The following PACC1 variants were observed in gnomAD, a reference collection of about 807,000 sequenced individuals.
The protein encoded by PACC1 is proton activated chloride channel 1, also known as proton-activated chloride channel.
A neutral mutation model predicts 39.7 loss-of-function variants in PACC1; 34 were observed. The observed-to-expected ratio is 0.86, with a 90% CI of 0.65 to 1.14. The LOEUF is 1.14. PACC1 is among the 50% of genes most tolerant of loss of function. PACC1 has a pLI of 0.00. For synonymous variants in PACC1, 127 were observed against 160.6 expected (o/e 0.79, Z 1.58); for missense variants, 379 against 436.4 (o/e 0.87, Z 1.17).
rs183795487 is a variant in PACC1 at position 212,400,204 on chromosome 1, G to A, written c.133+10221C>T. Among the ~76,000 whole-genome samples, 253 of 152,184 alleles carry A rather than the reference G, an allele frequency of 1.7e-3. 1 individual carries two copies. The highest frequency in any genetic ancestry group is 2.7e-3 in the Non-Finnish European group (185 of 68,008). ...CCAGGCTGAACAATATAATAAAGACGAACGATGACTGGCATCTGTGGACAG... is the reference window on the plus strand; with the variant it reads ...CCAGGCTGAACAATATAATAAAGACAAACGATGACTGGCATCTGTGGACAG... On this transcript the variant is annotated intron_variant, in intron 2 of 7. Coordinates refer to ENST00000261455, the MANE Select transcript of PACC1 (RefSeq NM_018252.3).
intron 2 of PACC1, among the ~76,000 whole-genome samples, chr1:212,399,039 CAA>C (rs1372099527): frequency 3.3e-5 from 5 of 152,334 alleles, no homozygotes; most frequent in African/African-American, 1.2e-4. Flanking sequence ...TCCCATGGTC[CAA>C]ATGGGACCAT....
At chr1:212,371,241 CAA>C (rs1189603478) in intron 7 of PACC1, among the ~76,000 whole-genome samples, 12 of 88,794 alleles carry the variant, frequency 1.4e-4, no homozygotes, top group Non-Finnish European at 1.5e-4. Flanking sequence ...GACTCCATTT[CAA>C]AAAAAAAAAA....
chr1:212,384,297 C>CAA (rs34538954), intron 4 of PACC1, among the ~76,000 whole-genome samples: 2 of 149,452 alleles, frequency 1.3e-5, no homozygotes, highest in Non-Finnish European at 3.0e-5. Flanking sequence ...CACATACTAA[C>CAA]AAAAAAAAAA....
At position 212,365,336 on chromosome 1, in the gene PACC1, C is replaced by G. The variant is rs761457991; in HGVS notation, c.932G>C (p.Cys311Ser). The change falls in exon 8 of 8, where the codon TGT (cysteine) becomes TCT (serine). Residue 311 changes from cysteine (C) to serine (S), a missense_variant. Coordinates refer to ENST00000261455, the MANE Select transcript of PACC1 (RefSeq NM_018252.3). ...TTTAAATAATGCCAAGAAGGCGCCA[C>G]AGAGAAGAGCAATTGTGTTCCAAGG... is the stretch of plus-strand genomic sequence containing the variant. ...ANPWNTIALL[C>S]GAFLALFKAA... The G allele has an allele frequency of 1.9e-6, 3 of 1,612,900 alleles. No individual in the cohort carries two copies. Among genetic ancestry groups the G allele is most frequent in the Admixed American group, 1.7e-5 (1 of 59,908 alleles).
intron 4 of PACC1, among the ~76,000 whole-genome samples, chr1:212,380,517 T>C (rs1230589038): frequency 6.6e-6 from 1 of 152,172 alleles, no homozygotes; most frequent in Non-Finnish European, 1.5e-5. Context: ...ATAGCACTTT[T>C]TAATCTTTTT....
intron 2 of PACC1, among the ~76,000 whole-genome samples, chr1:212,393,115 C>T (rs1344945857): frequency 2.0e-5 from 3 of 152,220 alleles, no homozygotes; most frequent in Non-Finnish European, 4.4e-5. Context: ...CTCTCCACCC[C>T]AAATCAACAG....
rs1158648730 is a variant in PACC1, at chr1:212,386,357, G to A, written c.343+534C>T. Among the ~76,000 whole-genome samples, 1 of 152,100 alleles carries A rather than the reference G, an allele frequency of 6.6e-6. No homozygotes were observed. Among genetic ancestry groups the A allele is most frequent in the East Asian group, 1.9e-4 (1 of 5,186 alleles). On this transcript the variant is annotated intron_variant, in intron 3 of 7. Coordinates refer to ENST00000261455, the MANE Select transcript of PACC1 (RefSeq NM_018252.3). This position sits in a 1 kb window ranked among gnomAD's most constrained non-coding sequence, Gnocchi z 5.0. ...ATAGCAGAGTGGACTCCCCACTCAG[G>A]GACCAGACACCCCAGTGAGACAGGT...
chr1:212,414,009 G>A lies in PACC1; in HGVS notation c.36+713C>T, dbSNP rs188843296. ...GCCGAGAAGTGGAGGCGGAGGAGGAGAGCAGTTTCACTAATACAGCTGGAG... is the reference window on the plus strand; with the variant it reads ...GCCGAGAAGTGGAGGCGGAGGAGGAAAGCAGTTTCACTAATACAGCTGGAG... On this transcript the variant is annotated intron_variant, in intron 1 of 7. Transcript: ENST00000261455. 26 of 1,535,868 alleles carry A rather than the reference G, an allele frequency of 1.7e-5. No homozygotes were observed. The Admixed American group carries it at 2.4e-4, about 14-fold the overall frequency.
At chr1:212,372,309 C>CA (rs531790538) in intron 7 of PACC1, among the ~76,000 whole-genome samples, 242 of 140,486 alleles carry the variant, frequency 1.7e-3, no homozygotes, top group South Asian at 7.4e-3. Flanking sequence ...AAACAAAAAA[C>CA]AAAAAAAAAA....
At chr1:212,381,318 C>A (rs1257853973) in intron 4 of PACC1, among the ~76,000 whole-genome samples, 2 of 152,200 alleles carry the variant, frequency 1.3e-5, no homozygotes, top group Non-Finnish European at 2.9e-5. Flanking sequence ...CAAACTTTTG[C>A]ACGTGGAATT....
rs148292868 is a variant in PACC1, at chr1:212,399,826, G to A, written c.133+10599C>T. Among the ~76,000 whole-genome samples, 986 of 152,180 alleles carry A rather than the reference G, an allele frequency of 6.5e-3. 15 individuals carry two copies. The highest frequency in any genetic ancestry group is 0.023 in the African/African-American group (938 of 41,528). On this transcript the variant is annotated intron_variant, in intron 2 of 7. Transcript: ENST00000261455. ...CCTAAAATGCTGGGATTACAGGCGT[G>A]AGCCACTGTACCTGACCTGGAAAAC...
At position 212,386,893 on chromosome 1, in the gene PACC1, G is replaced by A; in HGVS notation, c.341C>T (p.Pro114Leu). Residue 114 changes from proline (P) to leucine (L), a missense_variant and splice_region_variant, in exon 3 of 8, where the codon CCA becomes CTA. By Grantham distance (98) the Pro-to-Leu change is moderately conservative. Coordinates refer to ENST00000261455, the MANE Select transcript of PACC1 (RefSeq NM_018252.3). This position sits in a 1 kb window ranked among gnomAD's most constrained non-coding sequence, Gnocchi z 5.0. ...CCTGGCCCAGGGGCAGGCTCTACCT[G>A]GGGCATCATAGCGATCCACTTCCTT... is the stretch of plus-strand genomic sequence containing the variant. ...SYKEVDRYDA[P>L]GIALYPGQAQ... 1 of 1,614,096 alleles carries A rather than the reference G, an allele frequency of 6.2e-7. No homozygotes were observed. Among genetic ancestry groups the A allele is most frequent in the Non-Finnish European group, 8.5e-7 (1 of 1,179,990 alleles).
rs1448711111 is a variant in PACC1 at position 212,410,445 on chromosome 1, T to C, written c.113A>G (p.Gln38Arg). 6.2e-7 allele frequency: 1 copy of C among 1,614,150 alleles called. No homozygotes were observed. Residue 38 changes from glutamine (Q) to arginine (R), a missense_variant, in exon 2 of 8, where the codon CAA (glutamine) becomes CGA (arginine). Coordinates refer to ENST00000261455, the MANE Select transcript of PACC1 (RefSeq NM_018252.3). ...DEQDKETVRVQGPGILPGLDS... is the reference protein window; with the variant it reads ...DEQDKETVRVRGPGILPGLDS... ...CTCACCTGGTAAGATACCCGGACCT[T>C]GGACTCTGACCGTCTCCTTGTCCTG...
intron 2 of PACC1, among the ~76,000 whole-genome samples, chr1:212,405,045 T>C (rs1430462459): frequency 1.3e-5 from 2 of 152,210 alleles, no homozygotes; most frequent in Non-Finnish European, 2.9e-5. Flanking sequence ...AGTGCTGGGA[T>C]GAGCCACAGT....
intron 2 of PACC1, among the ~76,000 whole-genome samples, chr1:212,400,256 TA>T (rs1661667481): frequency 6.6e-6 from 1 of 152,254 alleles, no homozygotes; most frequent in Admixed American, 6.5e-5. Context: ...TTAAGCCAGA[TA>T]AACATGATTT....
rs746565636 is a variant in PACC1, at chr1:212,380,004, C to A, written c.529G>T (p.Val177Leu). The A allele has an allele frequency of 1.9e-6, 3 of 1,614,216 alleles. No homozygotes were observed. The highest frequency in any genetic ancestry group is 2.5e-6 in the Non-Finnish European group (3 of 1,180,026). ...AGGAAGACCAGCTCCCGCTTTTTCA[C>A]TTCCCGGGGCCCCTGGACAATCAGG... ...SALIVQGPRE[V>L]KKRELVFLQF... Residue 177 changes from valine (V) to leucine (L), a missense_variant, in exon 5 of 8, where the codon GTG becomes TTG. Coordinates refer to ENST00000261455, the MANE Select transcript of PACC1 (RefSeq NM_018252.3).
At chr1:212,373,122 T>C (rs1006093452) in intron 7 of PACC1, among the ~76,000 whole-genome samples, 12 of 152,114 alleles carry the variant, frequency 7.9e-5, no homozygotes, top group Admixed American at 7.2e-4. Context: ...AAAGTTATAG[T>C]AAACAAAGCA....
At chr1:212,380,617 G>A (rs1465583127) in intron 4 of PACC1, among the ~76,000 whole-genome samples, 1 of 152,132 alleles carries the variant, frequency 6.6e-6, no homozygotes, top group Non-Finnish European at 1.5e-5. Context: ...AATGCATAGA[G>A]ACAGGTTTTG....
At chr1:212,385,489 A>C in intron 3 of PACC1, 64 bp from the exon 4 acceptor site, 5 of 1,560,196 alleles carry the variant, frequency 3.2e-6, no homozygotes, top group Non-Finnish European at 3.5e-6. Context: ...CCCTGAAATC[A>C]TCTCACACCT....
Sources: gnomAD v4.1 joint callset for allele counts (sites outside exome capture counted in the v4.1 genomes callset) on GRCh38, gnomAD v4.1.1 for gene constraint, Gnocchi (gnomAD v3.1) non-coding constraint, MANE v1.5 for transcripts, NCBI Gene and HGNC (gene_info 2026-07-23, HGNC 2026-07-21) for gene names.